The following ACADVL variants were observed in gnomAD, a reference collection of about 807,000 sequenced individuals.
ACADVL encodes the protein very long-chain acyl-CoA dehydrogenase, mitochondrial.
A neutral mutation model predicts 80.4 loss-of-function variants in ACADVL; 73 were observed. The observed-to-expected ratio is 0.91, with a 90% confidence interval of 0.75 to 1.10. The LOEUF (loss-of-function observed/expected upper bound fraction) is 1.10. Among genes scored for constraint, ACADVL ranks in the 50% least tolerant of loss-of-function variants. The pLI, the probability that ACADVL is intolerant of heterozygous loss-of-function variation, is 0.00. For synonymous variants in ACADVL, 392 were observed against 326.5 expected, an observed-to-expected ratio of 1.20 and a Z score of -2.16; for missense variants, 878 against 858.9, an observed-to-expected ratio of 1.02 and a Z score of -0.28.
intron 13 of ACADVL, 44 bp downstream of exon 13, chr17:7,223,919 G>C: frequency 6.2e-7 from 1 of 1,613,704 alleles, no homozygotes; most frequent in Non-Finnish European, 8.5e-7. Flanking sequence ...GCCAGGGGTG[G>C]GTAGGCACAT....
rs2142980779 is a variant in ACADVL at position 7,222,850 on chromosome 17, C to A, written c.1062C>A (p.Gly354=). 19 of 1,612,410 alleles carry A rather than the reference C, an allele frequency of 1.2e-5. No homozygotes were observed. Among genetic ancestry groups the A allele is most frequent in the Non-Finnish European group, 1.6e-5 (19 of 1,179,984 alleles). The change falls in exon 10 of 20, where the codon GGC becomes GGA. Residue 354 remains glycine, a synonymous_variant. Transcript: ENST00000356839. ...CGGCCCTGGCAGGTACCATGAGAGG[C>A]ATCATTGCTAAGGCGGTGAGTACCC... ...MAAALAGTMR[G]IIAKAVDHAT... is the part of the protein sequence containing the mutation.
At chr17:7,223,372 A>G (rs1447442305) in intron 11 of ACADVL, 135 bp downstream of exon 11, 3 of 914,460 alleles carry the variant, frequency 3.3e-6, no homozygotes, top group South Asian at 2.7e-5. Flanking sequence ...GCGGGGAGGC[A>G]TAGTCAGCTC....
At chr17:7,217,656 G>A, upstream of ACADVL, 6 of 848,266 alleles carry the variant, frequency 7.1e-6, no homozygotes, top group Non-Finnish European at 8.7e-6. Context: ...GGGAGGGAGG[G>A]AGCTAGGAGC....
intron 3 of ACADVL, 21 bp from the exon 4 acceptor site, chr17:7,220,583 A>T: frequency 6.2e-7 from 1 of 1,614,168 alleles, no homozygotes; most frequent in Non-Finnish European, 8.5e-7. Context: ...AGAGCCCTGA[A>T]ATTTGCCTCT....
chr17:7,220,852 G>C (rs1290914163), intron 5 of ACADVL, 22 bp downstream of exon 5: 3 of 1,613,962 alleles, frequency 1.9e-6, no homozygotes, highest in Non-Finnish European at 2.5e-6. Flanking sequence ...CTCGGGGCTT[G>C]GTCCCTGGTG....
chr17:7,218,644 T>C (rs1218597928), upstream of ACADVL: 12 of 1,558,066 alleles, frequency 7.7e-6, no homozygotes, highest in African/African-American at 1.4e-5. Context: ...TGGGAGCTAG[T>C]GAGATGCAAG....
chr17:7,222,283 G>A lies in ACADVL; in HGVS notation c.859G>A (p.Gly287Ser), dbSNP rs2071269393. Residue 287 changes from glycine to serine, a missense_variant, in exon 9 of 20, where the codon GGC becomes AGC. Coordinates refer to ENST00000356839, the MANE Select transcript of ACADVL (RefSeq NM_000018.4). ...EKITAFVVER[G>S]FGGITHGPPE... ...GATCACAGCTTTTGTGGTGGAGAGGGGCTTCGGGGGCATTACCCAGTGAGT... is the reference window on the plus strand; with the variant it reads ...GATCACAGCTTTTGTGGTGGAGAGGAGCTTCGGGGGCATTACCCAGTGAGT... 1.2e-6 allele frequency: 2 copies of A among 1,614,086 alleles called. No individual in the cohort carries two copies. Among genetic ancestry groups the A allele is most frequent in the African/African-American group, 1.3e-5 (1 of 75,022 alleles).
rs2071357902 is a variant in ACADVL, at chr17:7,224,068, T to C, written c.1433T>C (p.Met478Thr). The C allele has an allele frequency of 6.2e-7, 1 of 1,613,946 alleles. No homozygotes were observed. Among genetic ancestry groups the C allele is most frequent in the African/African-American group, 1.3e-5 (1 of 74,884 alleles). ...LRLFVALQGC[M>T]DKGKELSGLG... Reference sequence around the variant, plus strand: ...CTGTTTGTGGCTCTGCAGGGCTGTATGGTAAGACAGAGAATTGGGTGGGGG... The same window carrying C: ...CTGTTTGTGGCTCTGCAGGGCTGTACGGTAAGACAGAGAATTGGGTGGGGG... The change falls in exon 14 of 20, where the codon ATG becomes ACG. Residue 478 changes from methionine (M) to threonine (T), a missense_variant and splice_region_variant. Physicochemically the swap from Met to Thr is moderately conservative, Grantham distance 81 (BLOSUM62 -1). Coordinates refer to ENST00000356839, the MANE Select transcript of ACADVL (RefSeq NM_000018.4).
At position 7,222,331 on chromosome 17, in the gene ACADVL, G is replaced by C. The variant is rs201502622; in HGVS notation, c.878+29G>C. The C allele has an allele frequency of 1.5e-4, 236 of 1,610,522 alleles. No individual in the cohort carries two copies. In the East Asian group the frequency reaches 5.1e-3, roughly 35 times the overall value. ...AGTGAATTTGGGTTGGGGGAGCTTAGGACTGAGGGGCAGGACTGGGCTCCT... is the reference window on the plus strand; with the variant it reads ...AGTGAATTTGGGTTGGGGGAGCTTACGACTGAGGGGCAGGACTGGGCTCCT... On this transcript the variant is annotated intron_variant, in intron 9 of 19. Transcript: ENST00000356839.
chr17:7,218,559 G>A (rs1296891380), upstream of ACADVL: 6 of 1,562,496 alleles, frequency 3.8e-6, no homozygotes, highest in Non-Finnish European at 5.2e-6. Flanking sequence ...GCCTGGAAGA[G>A]GTCGCTATGC....
At position 7,225,073 on chromosome 17, in the gene ACADVL, C is replaced by T. The variant is rs1171256173; in HGVS notation, c.1944C>T (p.Val648=). The change falls in exon 20 of 20, where the codon GTC becomes GTT. Residue 648 remains valine, a synonymous_variant. Coordinates refer to ENST00000356839, the MANE Select transcript of ACADVL (RefSeq NM_000018.4). ...CCTTGGTGGAGCGGGGTGGTGTGGT[C>T]ACCAGCAACCCACTTGGCTTCTGAA... The part of the protein sequence containing the change: ...SKALVERGGV[V]TSNPLGF 2 of 1,614,114 alleles carry T rather than the reference C, an allele frequency of 1.2e-6. No homozygotes were observed. The highest frequency in any genetic ancestry group is 2.2e-5 in the South Asian group (2 of 91,068).
rs767318783 is a variant in ACADVL, at chr17:7,221,615, T to C, written c.555T>C (p.Gly185=). ...CCCTGGGGGCCCATCAGAGCATCGG[T>C]TTCAAAGGCATCCTGCTCTTTGGCA... ...GITLGAHQSI[G]FKGILLFGTK... The change falls in exon 7 of 20, where the codon GGT becomes GGC. Residue 185 remains glycine (G), a synonymous_variant. Transcript: ENST00000356839. The C allele has an allele frequency of 1.2e-6, 2 of 1,613,982 alleles. No individual in the cohort carries two copies. Among genetic ancestry groups the C allele is most frequent in the Non-Finnish European group, 1.7e-6 (2 of 1,180,010 alleles).
chr17:7,224,535 A>C lies in ACADVL; in HGVS notation c.1661A>C (p.His554Pro), dbSNP rs1433810416. Reference sequence around the variant, plus strand: ...GTGGTGGAGGCCAAGCTGATAAAACACAAGAAGGGGATTGTCAGTAAGTGA... The same window carrying C: ...GTGGTGGAGGCCAAGCTGATAAAACCCAAGAAGGGGATTGTCAGTAAGTGA... Reference protein sequence around the residue: ...ATVVEAKLIKHKKGIVNEQFL... With the variant: ...ATVVEAKLIKPKKGIVNEQFL... The change falls in exon 17 of 20, where the codon CAC becomes CCC. Residue 554 changes from histidine to proline, a missense_variant. Transcript: ENST00000356839. The C allele has an allele frequency of 6.2e-7, 1 of 1,606,772 alleles. No homozygotes were observed. The highest frequency in any genetic ancestry group is 2.2e-5 in the East Asian group (1 of 44,586).
At position 7,224,065 on chromosome 17, in the gene ACADVL, GTA is replaced by G. The variant is rs1567567921; in HGVS notation, c.1432_1433del (p.Met478GlyfsTer83). On this transcript the variant is annotated frameshift_variant and splice_region_variant, in exon 14 of 20. Coordinates refer to ENST00000356839, the MANE Select transcript of ACADVL (RefSeq NM_000018.4). LOFTEE classifies it high-confidence loss of function. ...CGGCTGTTTGTGGCTCTGCAGGGCT[GTA>G]TGGTAAGACAGAGAATTGGGTGGGG... 6.2e-7 allele frequency: 1 copy of G among 1,614,142 alleles called. No individual in the cohort carries two copies. The highest frequency in any genetic ancestry group is 1.7e-5 in the Admixed American group (1 of 60,016).
At chr17:7,221,478 C>T (rs1257239193) in intron 6 of ACADVL, 60 bp from the exon 7 acceptor site, 7 of 1,612,838 alleles carry the variant, frequency 4.3e-6, no homozygotes, top group East Asian at 4.5e-5. Flanking sequence ...CCACACTCTC[C>T]TGTTAAGGTC....
upstream of ACADVL, chr17:7,219,848 TGCCCC>T (rs2071094987): frequency 2.6e-6 from 4 of 1,538,450 alleles, no homozygotes; most frequent in Non-Finnish European, 3.5e-6. Context: ...GCTCCCAGCA[TGCCCC>T]GGGGCCCGCA....
At chr17:7,219,463 A>C, upstream of ACADVL, 2 of 1,034,896 alleles carry the variant, frequency 1.9e-6, no homozygotes, top group Non-Finnish European at 2.3e-6. Flanking sequence ...AGAAGAATAC[A>C]CTTAGGGTAC....
chr17:7,222,399 A>G, intron 9 of ACADVL, 97 bp downstream of exon 9: 1 of 1,531,254 alleles, frequency 6.5e-7, no homozygotes, highest in Non-Finnish European at 8.8e-7. Flanking sequence ...CGTGTGCAAA[A>G]GCCAAAGCAG....
In ACADVL at chr17:7,224,896, G is replaced by T; in HGVS notation, c.1827+12G>T. 2 of 1,613,958 alleles carry T rather than the reference G, an allele frequency of 1.2e-6. No individual in the cohort carries two copies. The highest frequency in any genetic ancestry group is 1.1e-5 in the South Asian group (1 of 91,078). On this transcript the variant is annotated intron_variant, in intron 19 of 19. Transcript: ENST00000356839. ...CCTGGTGTATCGAGGTGAGACTCGG[G>T]GCTGCCAAGCTCAGGTGAGGGCTGG...
Sources: gnomAD v4.1 joint callset for allele counts on GRCh38, gnomAD v4.1.1 for gene constraint, MANE v1.5 for transcripts, NCBI Gene and HGNC (gene_info 2026-07-23, HGNC 2026-07-21) for gene names.